The following ANTXR1 variants were observed in gnomAD, a reference collection of about 807,000 sequenced individuals.
ANTXR1 encodes the protein anthrax toxin receptor 1.
Under a neutral mutation model 78.1 loss-of-function variants are expected in ANTXR1, and 19 were observed. The ratio of observed to expected loss-of-function variants is 0.24; its 90% CI spans 0.17 to 0.36. The LOEUF is 0.36. Among genes scored for constraint, ANTXR1 ranks in the 10% least tolerant of loss-of-function variants. The pLI, the probability that ANTXR1 is intolerant of heterozygous loss-of-function variation, is 1.00. For missense variants in ANTXR1, 518 were observed against 718.6 expected (o/e 0.72, Z 3.19); for synonymous variants, 273 against 260.5 (o/e 1.05, Z -0.46).
intron 10 of ANTXR1, among the ~76,000 whole-genome samples, chr2:69,105,142 C>T (rs1268902338): frequency 2.6e-5 from 4 of 152,166 alleles, no homozygotes; most frequent in African/African-American, 9.7e-5. Flanking sequence ...CAAGTGAGTA[C>T]TCGAAGGCCT....
At chr2:69,024,217 G>A (rs1279879957) in intron 1 of ANTXR1, among the ~76,000 whole-genome samples, 1 of 152,158 alleles carries the variant, frequency 6.6e-6, no homozygotes, top group Non-Finnish European at 1.5e-5. Flanking sequence ...AGAAGTTGGT[G>A]TGGACATGCT....
chr2:69,147,953 C>A (rs1013770652), intron 12 of ANTXR1, among the ~76,000 whole-genome samples: 2 of 152,156 alleles, frequency 1.3e-5, no homozygotes, highest in Non-Finnish European at 2.9e-5. Context: ...TTGGACACAG[C>A]CGTAAAAATG....
chr2:69,025,360 T>A (rs998131854), intron 1 of ANTXR1, among the ~76,000 whole-genome samples: 6 of 152,296 alleles, frequency 3.9e-5, no homozygotes, highest in African/African-American at 1.2e-4. Flanking sequence ...GAGTGGTCCA[T>A]TTTCAAGAGA....
At chr2:69,164,010 CA>C (rs1404439665) in intron 13 of ANTXR1, among the ~76,000 whole-genome samples, 5 of 152,278 alleles carry the variant, frequency 3.3e-5, no homozygotes, top group African/African-American at 1.2e-4. Context: ...GTTTAACTAC[CA>C]CATATGAACA....
At chr2:69,073,699 T>C (rs1670641786) in intron 6 of ANTXR1, among the ~76,000 whole-genome samples, 1 of 152,210 alleles carries the variant, frequency 6.6e-6, no homozygotes, top group Admixed American at 6.5e-5. Context: ...TAAATAGACT[T>C]AGAAAAATAA....
intron 11 of ANTXR1, among the ~76,000 whole-genome samples, chr2:69,123,841 C>T (rs768169556): frequency 2.0e-5 from 3 of 152,124 alleles, no homozygotes; most frequent in Non-Finnish European, 4.4e-5. Context: ...TCTCCAAAAC[C>T]GTGTCTATAA....
intron 17 of ANTXR1, among the ~76,000 whole-genome samples, chr2:69,226,839 T>C (rs932734195): frequency 6.6e-6 from 1 of 152,288 alleles, no homozygotes; most frequent in Non-Finnish European, 1.5e-5. Context: ...ATTTAACATA[T>C]ATATTTTTTT....
chr2:69,080,062 G>A (rs994366922), intron 8 of ANTXR1, among the ~76,000 whole-genome samples: 1 of 152,174 alleles, frequency 6.6e-6, no homozygotes, highest in Non-Finnish European at 1.5e-5. Context: ...TGAGACTTTA[G>A]TCTCCAAACT....
At chr2:69,175,128 C>G (rs1674085255) in intron 14 of ANTXR1, among the ~76,000 whole-genome samples, 1 of 152,230 alleles carries the variant, frequency 6.6e-6, no homozygotes, top group African/African-American at 2.4e-5. Flanking sequence ...TCACCTGTCT[C>G]TGACCCGTGT....
intron 10 of ANTXR1, 135 bp from the exon 11 acceptor site, chr2:69,122,882 T>G: frequency 1.1e-6 from 1 of 893,052 alleles, no homozygotes. Context: ...GCTGTACAGC[T>G]TAAGTTTTTA....
At chr2:69,187,107 G>A (rs1674435707) in intron 16 of ANTXR1, among the ~76,000 whole-genome samples, 2 of 152,164 alleles carry the variant, frequency 1.3e-5, no homozygotes, top group South Asian at 4.1e-4. Flanking sequence ...TGGGGTTTTT[G>A]AGAAGCAGGT....
intron 10 of ANTXR1, chr2:69,103,238 G>A (rs946334808): frequency 1.2e-5 from 5 of 428,394 alleles, no homozygotes; most frequent in East Asian, 5.2e-5. Context: ...GCAGCCCTCC[G>A]GAAGCAGCGG....
intron 2 of ANTXR1, among the ~76,000 whole-genome samples, chr2:69,043,852 G>A (rs939214989): frequency 7.9e-5 from 12 of 152,160 alleles, no homozygotes; most frequent in African/African-American, 2.2e-4. Context: ...GCTAAGATAC[G>A]GGAAGTGAGG....
At chr2:69,042,983 C>G (rs1428154916) in intron 2 of ANTXR1, among the ~76,000 whole-genome samples, 4 of 152,324 alleles carry the variant, frequency 2.6e-5, no homozygotes, top group South Asian at 4.1e-4. Flanking sequence ...ACTGCTGACA[C>G]TCTCTCTGAA....
intron 3 of ANTXR1, among the ~76,000 whole-genome samples, chr2:69,068,743 G>A (rs948950031): frequency 1.3e-5 from 2 of 152,208 alleles, no homozygotes; most frequent in Non-Finnish European, 2.9e-5. Context: ...AGACATTCTT[G>A]CAGCCTTATG....
At chr2:69,044,559 C>A (rs576507896) in intron 2 of ANTXR1, among the ~76,000 whole-genome samples, 183 bp from the exon 3 acceptor site, 1 of 152,102 alleles carries the variant, frequency 6.6e-6, no homozygotes, top group East Asian at 1.9e-4. Context: ...TCTCTTTGAC[C>A]CACACTTCAA....
intron 9 of ANTXR1, among the ~76,000 whole-genome samples, chr2:69,093,376 C>A (rs1324023756): frequency 6.6e-6 from 1 of 152,174 alleles, no homozygotes; most frequent in Non-Finnish European, 1.5e-5. Context: ...AAGGAAAAAT[C>A]TCCACCACTT....
intron 1 of ANTXR1, among the ~76,000 whole-genome samples, chr2:69,039,529 A>G (rs543863767): frequency 2.6e-5 from 4 of 152,234 alleles, no homozygotes; most frequent in African/African-American, 9.6e-5. Context: ...CAATTAATTA[A>G]TTATTATTCT....
At chr2:69,070,248 G>A (rs1238499007) in intron 3 of ANTXR1, among the ~76,000 whole-genome samples, 1 of 152,196 alleles carries the variant, frequency 6.6e-6, no homozygotes, top group Non-Finnish European at 1.5e-5. Context: ...CGTCCTTGTG[G>A]TGGCCTTTCC....
Sources: allele counts gnomAD v4.1 joint callset (sites outside exome capture counted in the v4.1 genomes callset), GRCh38; gene constraint gnomAD v4.1.1; transcripts MANE v1.5; gene names NCBI Gene and HGNC (gene_info 2026-07-23, HGNC 2026-07-21).